The following SWT1 variants were observed in gnomAD, a reference collection of about 807,000 sequenced individuals.
SWT1 encodes the protein transcriptional protein SWT1.
Under a neutral mutation model 107.3 loss-of-function variants are expected in SWT1, and 33 were observed. The observed-to-expected ratio is 0.31, with a 90% CI of 0.23 to 0.41. The LOEUF is 0.41. SWT1 is among the 10% of genes least tolerant of loss of function. The pLI is 1.00. For synonymous variants in SWT1, 345 were observed against 348.3 expected (o/e 0.99, Z 0.11); for missense variants, 898 against 1,028.9 (o/e 0.87, Z 1.74).
intron 2 of SWT1, among the ~76,000 whole-genome samples, chr1:185,162,811 A>G (rs561769255): frequency 1.3e-5 from 2 of 152,034 alleles, no homozygotes; most frequent in Admixed American, 6.5e-5. Context: ...CAATGGCATT[A>G]TGTCTAAAAA....
At chr1:185,245,629 C>T (rs948728811) in intron 16 of SWT1, among the ~76,000 whole-genome samples, 2 of 152,184 alleles carry the variant, frequency 1.3e-5, no homozygotes, top group African/African-American at 4.8e-5. Context: ...TTTTAGAGGA[C>T]TGGCACTGCA....
intron 14 of SWT1, among the ~76,000 whole-genome samples, chr1:185,219,908 G>A (rs192909417): frequency 3.3e-5 from 5 of 151,810 alleles, no homozygotes; most frequent in African/African-American, 1.2e-4. Context: ...GGCCAAGGTG[G>A]GCAGATTGGT....
intron 10 of SWT1, among the ~76,000 whole-genome samples, chr1:185,201,925 G>A (rs1002118423): frequency 2.6e-5 from 4 of 151,984 alleles, no homozygotes; most frequent in African/African-American, 7.3e-5. Flanking sequence ...TTGCTTTCTA[G>A]TGCCTTCAAA....
At chr1:185,208,266 T>C (rs777088791) in intron 13 of SWT1, among the ~76,000 whole-genome samples, 38 of 152,212 alleles carry the variant, frequency 2.5e-4, no homozygotes, top group Non-Finnish European at 5.9e-5. Flanking sequence ...TGTACCTTAT[T>C]CTCTGTCTTT....
At chr1:185,285,758 C>T (rs953406122) in intron 18 of SWT1, among the ~76,000 whole-genome samples, 10 of 152,128 alleles carry the variant, frequency 6.6e-5, no homozygotes, top group African/African-American at 2.4e-4. Flanking sequence ...TTCATCCATC[C>T]ATATACATGT....
At chr1:185,219,847 A>T (rs576454381) in intron 14 of SWT1, among the ~76,000 whole-genome samples, 6 of 152,208 alleles carry the variant, frequency 3.9e-5, no homozygotes, top group African/African-American at 1.4e-4. Context: ...TTAAAAGAGC[A>T]ATTTATGGCC....
intron 5 of SWT1, among the ~76,000 whole-genome samples, chr1:185,175,712 G>A (rs1655488379): frequency 6.6e-6 from 1 of 152,192 alleles, no homozygotes; most frequent in Non-Finnish European, 1.5e-5. Flanking sequence ...AGCAGTTATA[G>A]ATAGTCCTTT....
intron 7 of SWT1, 104 bp downstream of exon 7, chr1:185,182,161 C>A (rs1656073883): frequency 1.7e-6 from 2 of 1,183,010 alleles, no homozygotes; most frequent in African/African-American, 3.1e-5. Flanking sequence ...TTAAAATGTG[C>A]TCACTTGAAA....
At position 185,204,869 on chromosome 1, in the gene SWT1, T is replaced by C. The variant is rs915524872; in HGVS notation, c.1833+6T>C. The C allele has an allele frequency of 4.6e-6, 7 of 1,535,180 alleles. No homozygotes were observed. Among genetic ancestry groups the C allele is most frequent in the East Asian group, 4.9e-5 (2 of 40,522 alleles). ...TTGGAAACCTTTGGATGGAGGTGAT[T>C]AGTTGAACTCTATTAGTTGAAAATT... is the stretch of plus-strand genomic sequence containing the variant. On this transcript the variant is annotated splice_donor_region_variant and intron_variant, in intron 12 of 18. Coordinates refer to ENST00000367500, the MANE Select transcript of SWT1 (RefSeq NM_017673.7).
chr1:185,166,150 C>G (rs1450926192), intron 2 of SWT1, among the ~76,000 whole-genome samples: 4 of 152,010 alleles, frequency 2.6e-5, no homozygotes, highest in Non-Finnish European at 5.9e-5. Context: ...TTTTTCATTC[C>G]TCTCTCTCCA....
chr1:185,229,842 T>C (rs1038739449), intron 15 of SWT1, among the ~76,000 whole-genome samples: 1 of 152,154 alleles, frequency 6.6e-6, no homozygotes, highest in Non-Finnish European at 1.5e-5. Flanking sequence ...ATCTAAAAAA[T>C]AGCAAATGCA....
chr1:185,280,982 C>T (rs1664581610), intron 18 of SWT1: 4 of 445,522 alleles, frequency 9.0e-6, no homozygotes, highest in African/African-American at 4.0e-5. Context: ...AAAGAAAATA[C>T]TTGATATGTC....
At chr1:185,170,989 T>A (rs1171749187) in intron 4 of SWT1, among the ~76,000 whole-genome samples, 1 of 152,178 alleles carries the variant, frequency 6.6e-6, no homozygotes, top group Non-Finnish European at 1.5e-5. Context: ...AATCATTTTT[T>A]GAGAAAAGCA....
intron 10 of SWT1, among the ~76,000 whole-genome samples, chr1:185,197,145 C>T (rs373806806): frequency 6.6e-6 from 1 of 152,004 alleles, no homozygotes; most frequent in African/African-American, 2.4e-5. Context: ...CTCGTTCCAC[C>T]GAGTTTATTG....
chr1:185,158,259 A>G lies in SWT1; in HGVS notation c.-10+945A>G, dbSNP rs141554582. On this transcript the variant is annotated intron_variant, in intron 1 of 18. Transcript: ENST00000367500. The stretch of plus-strand genomic sequence containing the variant: ...CTCCCCCTATAGTTAAGAAGTATAT[A>G]TCTGGAGGGGTGTGTGTGTGTGTTT... Among the ~76,000 whole-genome samples, 820 of 152,164 alleles carry G rather than the reference A, an allele frequency of 5.4e-3. 4 individuals are homozygous for G. The highest frequency in any genetic ancestry group is 8.2e-3 in the Non-Finnish European group (558 of 67,998).
At chr1:185,203,073 G>A (rs1337934416) in intron 11 of SWT1, among the ~76,000 whole-genome samples, 6 of 152,092 alleles carry the variant, frequency 3.9e-5, no homozygotes, top group Non-Finnish European at 5.9e-5. Context: ...TATAATCACT[G>A]TGTACATGCT....
chr1:185,201,567 T>G (rs1025933481), intron 10 of SWT1, among the ~76,000 whole-genome samples: 15 of 152,176 alleles, frequency 9.9e-5, no homozygotes, highest in African/African-American at 3.6e-4. Context: ...CAGCTTGCCC[T>G]CTGAGGGCTG....
chr1:185,226,716 A>G, intron 15 of SWT1: 1 of 483,002 alleles, frequency 2.1e-6, no homozygotes, highest in Non-Finnish European at 3.4e-6. Flanking sequence ...GCTATTTCTC[A>G]TTTAAGCTTC....
chr1:185,229,767 T>C (rs1324717533), intron 15 of SWT1, among the ~76,000 whole-genome samples: 2 of 152,160 alleles, frequency 1.3e-5, no homozygotes, highest in Non-Finnish European at 2.9e-5. Context: ...ATTCTCTTTT[T>C]AGGCTTTAAA....
Sources: allele counts gnomAD v4.1 joint callset (sites outside exome capture counted in the v4.1 genomes callset), GRCh38; gene constraint gnomAD v4.1.1; transcripts MANE v1.5; gene names NCBI Gene and HGNC (gene_info 2026-07-23, HGNC 2026-07-21).